MGAT5: variants seen among roughly 807,000 people sequenced by gnomAD.
MGAT5 encodes the protein alpha-1,6-mannosylglycoprotein 6-beta-N-acetylglucosaminyltransferase, also known as alpha-1,6-mannosylglycoprotein 6-beta-N-acetylglucosaminyltransferase A.
In MGAT5, 30 loss-of-function variants were observed where a neutral mutation model predicts 94.3. That is an observed-to-expected ratio of 0.32 (90% CI 0.24 to 0.43). The LOEUF (loss-of-function observed/expected upper bound fraction) is 0.43, where lower values mean the gene tolerates loss of function less well. Among genes scored for constraint, MGAT5 ranks in the 20% least tolerant of loss-of-function variants. The pLI, the probability that MGAT5 is intolerant of heterozygous loss-of-function variation, is 1.00. For synonymous variants in MGAT5, 310 were observed against 322.9 expected, an observed-to-expected ratio of 0.96 and a Z score of 0.43; for missense variants, 691 against 905.5, an observed-to-expected ratio of 0.76 and a Z score of 3.04.
chr2:134,137,463 T>C (rs1686461637), intron 1 of MGAT5, among the ~76,000 whole-genome samples: 1 of 152,230 alleles, frequency 6.6e-6, no homozygotes, highest in Non-Finnish European at 1.5e-5. Flanking sequence ...GAAATGACTC[T>C]GTCCACAGAA....
chr2:134,185,568 T>C (rs1688966672), intron 1 of MGAT5, among the ~76,000 whole-genome samples: 1 of 152,228 alleles, frequency 6.6e-6, no homozygotes, highest in Admixed American at 6.5e-5. Flanking sequence ...GTTGCATATC[T>C]TGTTTCATTT....
intron 1 of MGAT5, among the ~76,000 whole-genome samples, chr2:134,263,853 A>G (rs772160866): frequency 6.6e-6 from 1 of 152,102 alleles, no homozygotes; most frequent in Non-Finnish European, 1.5e-5. Flanking sequence ...ATAAAGAATA[A>G]ATACACTCTT....
chr2:134,252,961 A>C (rs544342893), upstream of MGAT5: 1 of 152,234 alleles, frequency 6.6e-6, no homozygotes, highest in African/African-American at 2.4e-5. Flanking sequence ...TTCTAATAAA[A>C]CAGAGACGAT....
chr2:134,181,924 A>G (rs746953355), intron 1 of MGAT5, among the ~76,000 whole-genome samples: 2 of 152,218 alleles, frequency 1.3e-5, no homozygotes, highest in African/African-American at 4.8e-5. Flanking sequence ...GATTTGTAAT[A>G]AAAAATGATA....
At chr2:134,246,878 T>C (rs1682301145) in intron 1 of MGAT5, among the ~76,000 whole-genome samples, 1 of 152,252 alleles carries the variant, frequency 6.6e-6, no homozygotes, top group African/African-American at 2.4e-5. Flanking sequence ...CCAGACGTTG[T>C]CTTCCAGTCT....
intron 1 of MGAT5, among the ~76,000 whole-genome samples, chr2:134,225,968 C>T (rs779268682): frequency 2.2e-4 from 33 of 152,260 alleles, no homozygotes; most frequent in African/African-American, 3.6e-4. Flanking sequence ...CTCTTCAAAC[C>T]GAATGATAGC....
At chr2:134,262,944 G>A (rs945977807) in intron 1 of MGAT5, among the ~76,000 whole-genome samples, 1 of 152,196 alleles carries the variant, frequency 6.6e-6, no homozygotes, top group Non-Finnish European at 1.5e-5. Context: ...TAGGAGATGT[G>A]GTTGTCATTG....
chr2:134,326,061 T>TG (rs1687630460), intron 4 of MGAT5, among the ~76,000 whole-genome samples: 1 of 151,744 alleles, frequency 6.6e-6, no homozygotes, highest in Non-Finnish European at 1.5e-5. Flanking sequence ...TCTTTTTTTT[T>TG]TTTTTTTGAT....
intron 2 of MGAT5, among the ~76,000 whole-genome samples, chr2:134,304,506 A>T (rs986826416): frequency 6.6e-6 from 1 of 152,202 alleles, no homozygotes; most frequent in Non-Finnish European, 1.5e-5. Flanking sequence ...TGTGTTTCCT[A>T]CTGGGAATAA....
intron 2 of MGAT5, among the ~76,000 whole-genome samples, chr2:134,286,442 T>C (rs562284513): frequency 7.9e-5 from 12 of 152,274 alleles, no homozygotes; most frequent in African/African-American, 2.9e-4. Context: ...CTTTTTCTTT[T>C]TTTTTTTAAG....
intron 2 of MGAT5, among the ~76,000 whole-genome samples, chr2:134,276,618 G>A (rs114291665): frequency 6.6e-6 from 1 of 152,336 alleles, no homozygotes; most frequent in African/African-American, 2.4e-5. Flanking sequence ...TGGGATTTGT[G>A]ATGCATTTTC....
chr2:134,401,357 A>G (rs1683043499), intron 10 of MGAT5, among the ~76,000 whole-genome samples: 1 of 152,098 alleles, frequency 6.6e-6, no homozygotes, highest in Admixed American at 6.5e-5. Context: ...TGTATACAGG[A>G]TTCTGAGTTC....
At chr2:134,222,340 C>G (rs1245525363) in intron 1 of MGAT5, among the ~76,000 whole-genome samples, 1 of 151,788 alleles carries the variant, frequency 6.6e-6, no homozygotes, top group Admixed American at 6.6e-5. Context: ...ACAACCCAAT[C>G]AGCCAGAAAA....
intron 1 of MGAT5, among the ~76,000 whole-genome samples, chr2:134,151,114 G>A (rs1482391870): frequency 1.3e-5 from 2 of 152,122 alleles, no homozygotes; most frequent in African/African-American, 4.8e-5. Context: ...GCCCATAGAG[G>A]TGAGTGAGTG....
At chr2:134,401,260 T>C (rs2106290021) in intron 10 of MGAT5, among the ~76,000 whole-genome samples, 1 of 152,314 alleles carries the variant, frequency 6.6e-6, no homozygotes, top group South Asian at 2.1e-4. Flanking sequence ...TCCTCAGAAC[T>C]TGTTATCTGG....
At chr2:134,174,234 A>G (rs375249037) in intron 1 of MGAT5, among the ~76,000 whole-genome samples, 2 of 152,214 alleles carry the variant, frequency 1.3e-5, no homozygotes, top group East Asian at 3.9e-4. Context: ...TTTACATCTC[A>G]TTTCTTAAGA....
intron 1 of MGAT5, among the ~76,000 whole-genome samples, chr2:134,207,240 A>G (rs1327417302): frequency 6.6e-6 from 1 of 152,144 alleles, no homozygotes; most frequent in Non-Finnish European, 1.5e-5. Flanking sequence ...ACCCACCTTG[A>G]TAATTATCTT....
At chr2:134,360,651 A>G (rs995855179) in intron 9 of MGAT5, among the ~76,000 whole-genome samples, 2 of 152,240 alleles carry the variant, frequency 1.3e-5, no homozygotes, top group Non-Finnish European at 2.9e-5. Context: ...GCATAATAAC[A>G]CTGAGAATGC....
chr2:134,448,939 C>A lies in MGAT5; in HGVS notation c.*92C>A. ...GCCAGGGACAGAAGTCATGCAGGGA[C>A]TCTGGCAAGAGCCTGAACTTTTTCG... On this transcript the variant is annotated 3_prime_UTR_variant, in exon 16 of 16. Transcript: ENST00000281923. 7.4e-7 allele frequency: 1 copy of A among 1,346,088 alleles called. No homozygotes were observed. The allele number at this position is 1,346,088 out of a possible 1,614,324, so 83.4% of individuals were successfully genotyped here.
Sources: gnomAD v4.1 joint callset for allele counts (sites outside exome capture counted in the v4.1 genomes callset) on GRCh38, gnomAD v4.1.1 for gene constraint, MANE v1.5 for transcripts, NCBI Gene and HGNC (gene_info 2026-07-23, HGNC 2026-07-21) for gene names.